Variants in PLPPR5 observed in about 807,000 individuals in gnomAD.
The protein encoded by PLPPR5 is phospholipid phosphatase related 5, also known as phospholipid phosphatase-related protein type 5.
Under a neutral mutation model 33.9 loss-of-function variants are expected in PLPPR5, and 16 were observed. That is an observed-to-expected ratio of 0.47 (90% CI 0.32 to 0.72). PLPPR5 has a LOEUF of 0.72. PLPPR5 is among the 30% of genes least tolerant of loss of function. The pLI is 0.03. For synonymous variants in PLPPR5, 163 were observed against 150.3 expected (o/e 1.08, Z -0.62); for missense variants, 301 against 406.7 (o/e 0.74, Z 2.23).
intron 1 of PLPPR5, among the ~76,000 whole-genome samples, chr1:98,993,033 T>C (rs72977887): frequency 0.021 from 3,225 of 152,212 alleles, 118 homozygotes; most frequent in African/African-American, 0.074. Flanking sequence ...TAGGGTCTCA[T>C]AATGCTGATG....
chr1:98,948,305 G>A (rs1650635514), intron 3 of PLPPR5, among the ~76,000 whole-genome samples: 1 of 152,144 alleles, frequency 6.6e-6, no homozygotes, highest in South Asian at 2.1e-4. Flanking sequence ...GACTTTGTGA[G>A]CTTATTATAA....
At chr1:98,927,923 ATATAAT>A (rs1649825194) in intron 3 of PLPPR5, among the ~76,000 whole-genome samples, 1 of 151,764 alleles carries the variant, frequency 6.6e-6, no homozygotes. Flanking sequence ...CTTTCATTAT[ATATAAT>A]TATAATTATA....
chr1:98,923,002 C>CA (rs199904821), intron 3 of PLPPR5, among the ~76,000 whole-genome samples: 5,005 of 150,658 alleles, frequency 0.033, 217 homozygotes, highest in African/African-American at 0.1. Context: ...ACAACAACAA[C>CA]AAAAAAAAAC....
At chr1:98,956,873 G>T in intron 1 of PLPPR5, 132 bp from the exon 2 acceptor site, 1 of 660,124 alleles carries the variant, frequency 1.5e-6, no homozygotes, top group Non-Finnish European at 2.3e-6. Flanking sequence ...AGCCATAATC[G>T]ATTTCCTAGA....
intron 2 of PLPPR5, among the ~76,000 whole-genome samples, 193 bp from the exon 3 acceptor site, chr1:98,953,513 T>C (rs920279876): frequency 1.3e-5 from 2 of 151,972 alleles, no homozygotes; most frequent in Admixed American, 6.6e-5. Flanking sequence ...CTTTCTGGAG[T>C]GGTGAAAGTG....
chr1:98,957,141 A>T (rs898413167), intron 1 of PLPPR5, among the ~76,000 whole-genome samples: 1 of 144,242 alleles, frequency 6.9e-6, no homozygotes, highest in Non-Finnish European at 1.5e-5. Context: ...AACAATGAGA[A>T]CACATGGACA....
intron 3 of PLPPR5, among the ~76,000 whole-genome samples, chr1:98,928,812 T>C (rs917677158): frequency 6.6e-6 from 1 of 151,812 alleles, no homozygotes; most frequent in Non-Finnish European, 1.5e-5. Flanking sequence ...TCTACATTTA[T>C]TTTTAAATAT....
intron 5 of PLPPR5, among the ~76,000 whole-genome samples, chr1:98,902,897 A>C (rs1433813761): frequency 6.6e-6 from 1 of 152,158 alleles, no homozygotes; most frequent in East Asian, 1.9e-4. Flanking sequence ...ATTTAATGAA[A>C]GATGCTTTTA....
At chr1:99,005,413 CTG>C (rs1293579464), upstream of PLPPR5, among the ~76,000 whole-genome samples, 1 of 152,106 alleles carries the variant, frequency 6.6e-6, no homozygotes, top group Non-Finnish European at 1.5e-5. Flanking sequence ...TTTCTAGGCG[CTG>C]TTAGAAAAAT....
intron 1 of PLPPR5, among the ~76,000 whole-genome samples, chr1:98,975,749 C>T (rs1417286279): frequency 1.3e-5 from 2 of 151,900 alleles, no homozygotes; most frequent in African/African-American, 4.8e-5. Flanking sequence ...GGACACTTCC[C>T]GATTTCCAGC....
At chr1:98,931,237 T>C (rs1649953748) in intron 3 of PLPPR5, among the ~76,000 whole-genome samples, 1 of 152,172 alleles carries the variant, frequency 6.6e-6, no homozygotes, top group African/African-American at 2.4e-5. Context: ...AATATCCTTT[T>C]CTCTTTGTAA....
At chr1:98,968,546 A>G (rs1651534180) in intron 1 of PLPPR5, among the ~76,000 whole-genome samples, 2 of 152,120 alleles carry the variant, frequency 1.3e-5, no homozygotes, top group African/African-American at 2.4e-5. Context: ...AATAATATTT[A>G]TGTAGCAGGA....
chr1:98,969,595 A>G (rs1651582611), intron 1 of PLPPR5, among the ~76,000 whole-genome samples: 1 of 151,974 alleles, frequency 6.6e-6, no homozygotes, highest in Non-Finnish European at 1.5e-5. Context: ...TGGAAGACCT[A>G]TACTTTTCCT....
chr1:98,904,190 T>C (rs529089386), intron 5 of PLPPR5, among the ~76,000 whole-genome samples: 10 of 152,100 alleles, frequency 6.6e-5, no homozygotes, highest in Non-Finnish European at 7.4e-5. Context: ...TTGGGTAGTA[T>C]AGGTTGGTGA....
At chr1:98,980,047 A>G (rs1021618008) in intron 1 of PLPPR5, among the ~76,000 whole-genome samples, 1 of 151,936 alleles carries the variant, frequency 6.6e-6, no homozygotes, top group African/African-American at 2.4e-5. Flanking sequence ...TAAATGCACT[A>G]CTGGTTTCTG....
Position 98,900,938 on chromosome 1 carries a change from G to A in PLPPR5, c.934-7834C>T, listed in dbSNP as rs186563711. 2.6e-3 allele frequency among the ~76,000 whole-genome samples: 391 copies of A among 152,178 alleles called. 2 individuals are homozygous for A. Among genetic ancestry groups the A allele is most frequent in the African/African-American group, 8.8e-3 (364 of 41,510 alleles). On this transcript the variant is annotated intron_variant, in intron 5 of 5. Coordinates refer to ENST00000263177, the MANE Select transcript of PLPPR5 (RefSeq NM_001037317.2). Reference sequence around the variant, plus strand: ...ATAACTTGAAAAATGTTTTATAAAGGTAAATATATGTTTACCATACAACCT... The same window carrying A: ...ATAACTTGAAAAATGTTTTATAAAGATAAATATATGTTTACCATACAACCT...
At chr1:98,894,453 A>C (rs1648396567) in intron 5 of PLPPR5, among the ~76,000 whole-genome samples, 1 of 152,102 alleles carries the variant, frequency 6.6e-6, no homozygotes, top group Non-Finnish European at 1.5e-5. Context: ...CGGGTACTTG[A>C]AACCAGTGAA....
intron 3 of PLPPR5, among the ~76,000 whole-genome samples, chr1:98,930,795 C>A (rs1251344533): frequency 6.6e-6 from 1 of 152,096 alleles, no homozygotes; most frequent in Non-Finnish European, 1.5e-5. Context: ...GCTCTTCTTT[C>A]CCCCTCTCAA....
At chr1:98,904,919 G>A (rs986120541) in intron 5 of PLPPR5, among the ~76,000 whole-genome samples, 2 of 152,192 alleles carry the variant, frequency 1.3e-5, no homozygotes, top group Non-Finnish European at 2.9e-5. Context: ...TGTAAATCAT[G>A]AGGTGAGATA....
Sources: allele counts gnomAD v4.1 joint callset (sites outside exome capture counted in the v4.1 genomes callset), GRCh38; gene constraint gnomAD v4.1.1; transcripts MANE v1.5; gene names NCBI Gene and HGNC (gene_info 2026-07-23, HGNC 2026-07-21).